Variants in PRMT5 observed in about 807,000 individuals in gnomAD.
The protein encoded by PRMT5 is protein arginine methyltransferase 5.
In PRMT5, 15 loss-of-function variants were observed where a neutral mutation model predicts 84.0. The ratio of observed to expected loss-of-function variants is 0.18; its 90% confidence interval spans 0.12 to 0.28. The LOEUF (loss-of-function observed/expected upper bound fraction) is 0.28. PRMT5 is among the 10% of genes least tolerant of loss of function. PRMT5 has a pLI of 1.00. For missense variants in PRMT5, 486 were observed against 808.0 expected, an observed-to-expected ratio of 0.60 and a Z score of 4.83; for synonymous variants, 276 against 292.4, an observed-to-expected ratio of 0.94 and a Z score of 0.57.
Position 22,928,677 on chromosome 14 carries a change from C to G in PRMT5, c.111-62G>C, listed in dbSNP as rs1463547435. On this transcript the variant is annotated intron_variant, in intron 1 of 16. Coordinates refer to ENST00000324366, the MANE Select transcript of PRMT5 (RefSeq NM_006109.5). The surrounding 1 kb of genome is among the most constrained non-coding windows in gnomAD (Gnocchi z 4.8). ...GCAGCAGTGCCAGAGAGCCAAGCAA[C>G]TGGATTTAGGCTATCTTGATTTTGC... The G allele has an allele frequency of 1.5e-6, 2 of 1,315,006 alleles. No individual in the cohort carries two copies. The highest frequency in any genetic ancestry group is 2.9e-5 in the African/African-American group (2 of 68,894). 81.5% of individuals were successfully genotyped at this position (1,315,006 alleles called of 1,614,324 possible). A position where few individuals can be genotyped will look rare whatever the true frequency, so the allele number is the denominator to read the frequency against.
rs2044355468 is a variant in PRMT5, at chr14:22,923,706, G to A, written c.1375+302C>T. On this transcript the variant is annotated intron_variant, in intron 12 of 16. Transcript: ENST00000324366. The surrounding 1 kb of genome is among the most constrained non-coding windows in gnomAD (Gnocchi z 5.2). The stretch of plus-strand genomic sequence containing the variant: ...TTTTTGTATTTTTAGTAGTGATGGG[G>A]TTTCGCCATGTTGCCCAGGCTGGTC... 6.6e-6 allele frequency among the ~76,000 whole-genome samples: 1 copy of A among 152,036 alleles called. No homozygotes were observed. Among genetic ancestry groups the A allele is most frequent in the Non-Finnish European group, 1.5e-5 (1 of 68,006 alleles).
Position 22,928,163 on chromosome 14 carries a change from T to G in PRMT5, c.278A>C (p.Asp93Ala), listed in dbSNP as rs753685975. The change falls in exon 3 of 17, where the codon GAC becomes GCC. Residue 93 changes from aspartate to alanine, a missense_variant. Around this residue, in one of 4 missense-constraint regions of PRMT5, gnomAD observed 215 missense variants for 301.1 expected, o/e 0.71. Coordinates refer to ENST00000324366, the MANE Select transcript of PRMT5 (RefSeq NM_006109.5). The surrounding 1 kb of genome is among the most constrained non-coding windows in gnomAD (Gnocchi z 4.8). ...CCTGCGAATCTTCTCCACTTTTGAG[T>G]CTGGACGAATCCATGGAGAAAGCTT... The part of the protein sequence containing the change: ...VGKLSPWIRP[D>A]SKVEKIRRNS... 1 of 1,614,156 alleles carries G rather than the reference T, an allele frequency of 6.2e-7. No individual in the cohort carries two copies. The highest frequency in any genetic ancestry group is 1.7e-5 in the Admixed American group (1 of 60,008).
intron 4 of PRMT5, 106 bp from the exon 5 acceptor site, chr14:22,926,920 T>C (rs1396260945): frequency 2.7e-6 from 2 of 735,888 alleles, no homozygotes; most frequent in Non-Finnish European, 4.8e-6. Context: ...AATCCCTTTA[T>C]ATGCTTTTCC....
rs2044497069 is a variant in PRMT5 at position 22,929,278 on chromosome 14, G to T, written c.84C>A (p.Asp28Glu). The change falls in exon 1 of 17, where the codon GAC (aspartate) becomes GAA (glutamate). Residue 28 changes from aspartate (D) to glutamate (E), a missense_variant. By Grantham distance (45) the Asp-to-Glu change is conservative (BLOSUM62 2). Around this residue, in one of 4 missense-constraint regions of PRMT5, gnomAD observed 51 missense variants for 53.8 expected, o/e 0.95. Coordinates refer to ENST00000324366, the MANE Select transcript of PRMT5 (RefSeq NM_006109.5). ...CCTGCTTGGCCACAGCCCCTAGTGT[G>T]TCAGCTATTTCGGGGACGCAATTCA... ...RDLNCVPEIA[D>E]TLGAVAKQGF... The T allele has an allele frequency of 6.2e-7, 1 of 1,613,916 alleles. No homozygotes were observed. Among genetic ancestry groups the T allele is most frequent in the East Asian group, 2.2e-5 (1 of 44,874 alleles).
intron 7 of PRMT5, among the ~76,000 whole-genome samples, chr14:22,925,829 A>G (rs561274223): frequency 1.2e-4 from 19 of 152,154 alleles, no homozygotes; most frequent in African/African-American, 4.3e-4. Flanking sequence ...CAAAAAAAAA[A>G]AGAAAAAAGA....
At position 22,929,349 on chromosome 14, in the gene PRMT5, C is replaced by T. The variant is rs1259929505; in HGVS notation, c.13G>A (p.Ala5Thr). Residue 5 changes from alanine (A) to threonine (T), a missense_variant, in exon 1 of 17, where the codon GCG becomes ACG. Coordinates refer to ENST00000324366, the MANE Select transcript of PRMT5 (RefSeq NM_006109.5). ...CGGCTCCCACCAGCACCCCCGACCG[C>T]CATCGCCGCCATCTTTCTCCTCGCG... The part of the protein sequence containing the change: MAAM[A>T]VGGAGGSRVS... 2 of 1,608,522 alleles carry T rather than the reference C, an allele frequency of 1.2e-6. No homozygotes were observed. The highest frequency in any genetic ancestry group is 1.7e-6 in the Non-Finnish European group (2 of 1,178,598).
rs958253833 is a variant in PRMT5, at chr14:22,929,305, G to A, written c.57C>T (p.Asp19=). The part of the protein sequence containing the change: ...AGGSRVSSGR[D]LNCVPEIADT... ...CAGCTATTTCGGGGACGCAATTCAG[G>A]TCCCTCCCGCTGGACACGCGGCTCC... Residue 19 remains aspartate, a synonymous_variant, in exon 1 of 17, where the codon GAC becomes GAT. Coordinates refer to ENST00000324366, the MANE Select transcript of PRMT5 (RefSeq NM_006109.5). The A allele has an allele frequency of 1.2e-6, 2 of 1,613,124 alleles. No individual in the cohort carries two copies. The highest frequency in any genetic ancestry group is 2.7e-5 in the African/African-American group (2 of 74,840).
At chr14:22,922,401 G>T in intron 15 of PRMT5, 42 bp downstream of exon 15, 1 of 1,523,752 alleles carries the variant, frequency 6.6e-7, no homozygotes, top group Non-Finnish European at 9.1e-7. Flanking sequence ...TGCCCAGGAA[G>T]CACACCCTCA....
intron 16 of PRMT5, among the ~76,000 whole-genome samples, chr14:22,921,344 A>G (rs956481059): frequency 1.3e-5 from 2 of 152,210 alleles, no homozygotes; most frequent in Non-Finnish European, 2.9e-5. Context: ...AGATAGGTTA[A>G]CTGTGTGAAG....
intron 5 of PRMT5, 30 bp from the exon 6 acceptor site, chr14:22,926,585 A>G: frequency 6.2e-7 from 1 of 1,613,758 alleles, no homozygotes; most frequent in Non-Finnish European, 8.5e-7. Context: ...AAAGTACAGT[A>G]AACTAGATAT....
Position 22,923,914 on chromosome 14 carries a change from G to T in PRMT5, c.1375+94C>A. 1.4e-6 allele frequency: 2 copies of T among 1,411,668 alleles called. No individual in the cohort carries two copies. The highest frequency in any genetic ancestry group is 9.5e-7 in the Non-Finnish European group (1 of 1,052,084). 87.4% of individuals were successfully genotyped at this position (1,411,668 alleles called of 1,614,324 possible). On this transcript the variant is annotated intron_variant, in intron 12 of 16. Transcript: ENST00000324366. This position sits in a 1 kb window ranked among gnomAD's most constrained non-coding sequence, Gnocchi z 5.2. ...TCTCAAACTCATATGATGTGACCCA[G>T]GTCCAACCCACTTTCCCCTAAACCC... is the stretch of plus-strand genomic sequence containing the variant.
chr14:22,922,353 G>A, intron 15 of PRMT5, 90 bp downstream of exon 15: 1 of 1,404,932 alleles, frequency 7.1e-7, no homozygotes, highest in Non-Finnish European at 1.0e-6. Context: ...TGAGCACTGG[G>A]CCCCCCATAA....
chr14:22,924,655 T>C lies in PRMT5; in HGVS notation c.994A>G (p.Ile332Val), dbSNP rs750364402. 1 of 1,614,010 alleles carries C rather than the reference T, an allele frequency of 6.2e-7. No individual in the cohort carries two copies. The highest frequency in any genetic ancestry group is 2.2e-5 in the East Asian group (1 of 44,890). Reference protein sequence around the residue: ...QTYEVFEKDPIKYSQYQQAIY... With the variant: ...QTYEVFEKDPVKYSQYQQAIY... ...ACCTGCTGGTACTGAGAGTATTTGATGGGGTCCTTTTCAAACACTTCATAT... is the reference window on the plus strand; with the variant it reads ...ACCTGCTGGTACTGAGAGTATTTGACGGGGTCCTTTTCAAACACTTCATAT... The change falls in exon 9 of 17, where the codon ATC (isoleucine) becomes GTC (valine). Residue 332 changes from isoleucine to valine, a missense_variant. Physicochemically the swap from Ile to Val is conservative, Grantham distance 29. Around this residue, in one of 4 missense-constraint regions of PRMT5, gnomAD observed 219 missense variants for 433.6 expected, o/e 0.51. Transcript: ENST00000324366. The surrounding 1 kb of genome is among the most constrained non-coding windows in gnomAD (Gnocchi z 6.5).
chr14:22,926,427 T>C (rs1321027432), intron 6 of PRMT5, 79 bp downstream of exon 6: 4 of 1,595,042 alleles, frequency 2.5e-6, no homozygotes, highest in Non-Finnish European at 3.4e-6. Context: ...CAAAATTGTA[T>C]ACTATATATG....
Position 22,925,163 on chromosome 14 carries a change from T to TA in PRMT5, c.778-124_778-123insT, listed in dbSNP as rs1165799051. On this transcript the variant is annotated intron_variant, in intron 7 of 16. Transcript: ENST00000324366. ...GATCAACAGTTCTCTTTTTTTTTTT[T>TA]TTTAAAAAAAAAGATGGAGTCTCGC... 29 of 1,097,032 alleles carry TA rather than the reference T, an allele frequency of 2.6e-5. 1 individual carries two copies. The African/African-American group carries it at 4.8e-4, about 18-fold the overall frequency. 68.0% of individuals were successfully genotyped at this position (1,097,032 alleles called of 1,614,324 possible). A position where few individuals can be genotyped will look rare whatever the true frequency, so the allele number is the denominator to read the frequency against.
In PRMT5 at chr14:22,929,291, G is replaced by C. The variant is rs763450079; in HGVS notation, c.71C>G (p.Pro24Arg). ...VSSGRDLNCV[P>R]EIADTLGAVA... ...AGCCCCTAGTGTGTCAGCTATTTCG[G>C]GGACGCAATTCAGGTCCCTCCCGCT... The change falls in exon 1 of 17, where the codon CCC becomes CGC. Residue 24 changes from proline to arginine, a missense_variant. By Grantham distance (103) the Pro-to-Arg change is moderately radical. Transcript: ENST00000324366. 1 of 1,613,730 alleles carries C rather than the reference G, an allele frequency of 6.2e-7. No individual in the cohort carries two copies. Among genetic ancestry groups the C allele is most frequent in the Non-Finnish European group, 8.5e-7 (1 of 1,179,924 alleles).
At position 22,920,544 on chromosome 14, in the gene PRMT5, T is replaced by TA; in HGVS notation, c.*359dup. On this transcript the variant is annotated 3_prime_UTR_variant, in exon 17 of 17. Transcript: ENST00000324366. ...AGCATGGTCGTGCAGTAAAGGGCTA[T>TA]AACTTTATTTGTATTTCCTCTTACA... is the stretch of plus-strand genomic sequence containing the variant. 1 of 445,786 alleles carries TA rather than the reference T, an allele frequency of 2.2e-6. No homozygotes were observed. The highest frequency in any genetic ancestry group is 2.7e-5 in the Admixed American group (1 of 36,888). 27.6% of individuals were successfully genotyped at this position (445,786 alleles called of 1,614,324 possible).
At position 22,924,889 on chromosome 14, in the gene PRMT5, G is replaced by C; in HGVS notation, c.929C>G (p.Ser310Cys). ...GCACTCCAGACCCACCTGAAGCGGG[G>C]ACTGCAGATAGTCTTCATAGCCCTT... ...FAKGYEDYLQ[S>C]PLQPLMDNLE... Residue 310 changes from serine (S) to cysteine (C), a missense_variant, in exon 8 of 17, where the codon TCC (serine) becomes TGC (cysteine). Physicochemically the swap from Ser to Cys is moderately radical, Grantham distance 112. Transcript: ENST00000324366. This position sits in a 1 kb window ranked among gnomAD's most constrained non-coding sequence, Gnocchi z 6.5. The C allele has an allele frequency of 6.2e-7, 1 of 1,614,120 alleles. No homozygotes were observed. Among genetic ancestry groups the C allele is most frequent in the Middle Eastern group, 1.7e-4 (1 of 6,050 alleles).
intron 16 of PRMT5, among the ~76,000 whole-genome samples, chr14:22,921,612 C>T (rs534725865): frequency 6.6e-5 from 10 of 152,192 alleles, no homozygotes; most frequent in Non-Finnish European, 8.8e-5. Context: ...AGGCCAGGCG[C>T]GGTGGCTCAC....
Sources: gnomAD v4.1 joint callset for allele counts (sites outside exome capture counted in the v4.1 genomes callset) on GRCh38, gnomAD v4.1.1 for gene constraint, gnomAD v4.1.1 regional missense constraint, Gnocchi (gnomAD v3.1) non-coding constraint, MANE v1.5 for transcripts, NCBI Gene and HGNC (gene_info 2026-07-23, HGNC 2026-07-21) for gene names.